Variants in RBBP4 observed in about 807,000 individuals in gnomAD.
The protein encoded by RBBP4 is histone-binding protein RBBP4.
A neutral mutation model predicts 57.2 loss-of-function variants in RBBP4; 3 were observed. The observed-to-expected ratio is 0.05, with a 90% CI of 0.02 to 0.14. The LOEUF (loss-of-function observed/expected upper bound fraction) is 0.14, where lower values mean the gene tolerates loss of function less well. Among genes scored for constraint, RBBP4 ranks in the 10% least tolerant of loss-of-function variants. RBBP4 has a pLI of 1.00. For missense variants in RBBP4, 107 were observed against 520.6 expected, an observed-to-expected ratio of 0.21 and a Z score of 7.73; for synonymous variants, 151 against 171.5, an observed-to-expected ratio of 0.88 and a Z score of 0.93.
chr1:32,651,583 GC>G (rs1389496621), intron 1 of RBBP4: 3 of 1,011,658 alleles, frequency 3.0e-6, no homozygotes, highest in African/African-American at 1.7e-5. Context: ...CGGTTTCTCG[GC>G]CTCTGTCCCG....
At chr1:32,679,157 C>T (rs1363844279) in intron 11 of RBBP4, among the ~76,000 whole-genome samples, 4 of 152,096 alleles carry the variant, frequency 2.6e-5, no homozygotes, top group East Asian at 3.9e-4. Flanking sequence ...ATTAGCCAGG[C>T]GTAGTGGCAT....
At chr1:32,652,111 T>C in intron 2 of RBBP4, 50 bp downstream of exon 2, 2 of 1,551,506 alleles carry the variant, frequency 1.3e-6, no homozygotes, top group Non-Finnish European at 1.8e-6. Flanking sequence ...AGTGTAGATT[T>C]CTCATATTGA....
In RBBP4 at chr1:32,679,648, C is replaced by T. The variant is rs776275865; in HGVS notation, c.1221C>T (p.Asn407=). ...TTCTTGTTTTTGGGCAGGCAGAGAA[C>T]ATTTATAATGATGAAGACCCTGAAG... ...NIMQVWQMAE[N]IYNDEDPEGS... is the part of the protein sequence containing the mutation. The change falls in exon 12 of 12, where the codon AAC becomes AAT. Residue 407 remains asparagine (N), a synonymous_variant. Transcript: ENST00000373493. The T allele has an allele frequency of 4.1e-5, 65 of 1,583,472 alleles. 2 individuals are homozygous for T. The South Asian group carries it at 7.6e-4, about 18-fold the overall frequency.
chr1:32,654,617 A>T (rs1648052506), intron 2 of RBBP4, among the ~76,000 whole-genome samples: 1 of 152,206 alleles, frequency 6.6e-6, no homozygotes. Context: ...CCAAGGCTGA[A>T]ATCTGTACTG....
At chr1:32,660,407 AT>A (rs1648349247) in intron 3 of RBBP4, among the ~76,000 whole-genome samples, 1 of 43,776 alleles carries the variant, frequency 2.3e-5, no homozygotes, top group Non-Finnish European at 4.9e-5. Flanking sequence ...CCATACCTGG[AT>A]TTTTATTTTA....
At chr1:32,660,009 T>C (rs1047438594) in intron 3 of RBBP4, among the ~76,000 whole-genome samples, 2 of 152,230 alleles carry the variant, frequency 1.3e-5, no homozygotes, top group Non-Finnish European at 2.9e-5. Context: ...CGTATGTATT[T>C]ATGTCTGTTT....
chr1:32,669,716 C>G lies in RBBP4; in HGVS notation c.966+153C>G, dbSNP rs772061137. On this transcript the variant is annotated intron_variant, in intron 8 of 11. Transcript: ENST00000373493. The surrounding 1 kb of genome is among the most constrained non-coding windows in gnomAD (Gnocchi z 4.9). ...CCATCCTGGCTAACACGGTGAAACC[C>G]TGTCTCTACTAAAAATATAAAAAAT... 1.3e-5 allele frequency among the ~76,000 whole-genome samples: 2 copies of G among 152,006 alleles called. No homozygotes were observed. The highest frequency in any genetic ancestry group is 4.1e-4 in the South Asian group (2 of 4,822).
Position 32,685,072 on chromosome 1 carries a change from G to A in RBBP4, c.*5367G>A, listed in dbSNP as rs1174429411. The A allele has an allele frequency of 1.8e-4, 27 of 152,148 alleles. No individual in the cohort carries two copies. Among genetic ancestry groups the A allele is most frequent in the Admixed American group, 1.8e-3 (27 of 15,264 alleles). 9.4% of individuals were successfully genotyped at this position (152,148 alleles called of 1,614,324 possible). A position where few individuals can be genotyped will look rare whatever the true frequency, so the allele number is the denominator to read the frequency against. On this transcript the variant is annotated 3_prime_UTR_variant, in exon 12 of 12. Coordinates refer to ENST00000373493, the MANE Select transcript of RBBP4 (RefSeq NM_005610.3). ...TCGCTATGTTGCCCAGGCTGGTCTTGTTCCTGGGCTCAAGCAGTCCTCCCG... is the reference window on the plus strand; with the variant it reads ...TCGCTATGTTGCCCAGGCTGGTCTTATTCCTGGGCTCAAGCAGTCCTCCCG...
Position 32,682,118 on chromosome 1 carries a change from T to C in RBBP4, c.*2413T>C. On this transcript the variant is annotated 3_prime_UTR_variant, in exon 12 of 12. Coordinates refer to ENST00000373493, the MANE Select transcript of RBBP4 (RefSeq NM_005610.3). ...GCCTGAAATTCTGTAGTTTCATTTC[T>C]TTGGATTAGTCGTTGTCTTTTCCAG... 1 of 474,278 alleles carries C rather than the reference T, an allele frequency of 2.1e-6. No homozygotes were observed. Among genetic ancestry groups the C allele is most frequent in the Non-Finnish European group, 3.8e-6 (1 of 263,316 alleles). 29.4% of individuals were successfully genotyped at this position (474,278 alleles called of 1,614,324 possible). A position where few individuals can be genotyped will look rare whatever the true frequency, so the allele number is the denominator to read the frequency against.
intron 3 of RBBP4, among the ~76,000 whole-genome samples, chr1:32,664,035 T>C (rs1453933097): frequency 6.6e-6 from 1 of 151,178 alleles, no homozygotes; most frequent in African/African-American, 2.4e-5. Context: ...CATGCCATTC[T>C]CCTGCCTCAG....
intron 3 of RBBP4, among the ~76,000 whole-genome samples, chr1:32,667,939 T>A (rs571356933): frequency 6.6e-6 from 1 of 152,312 alleles, no homozygotes; most frequent in African/African-American, 2.4e-5. Context: ...ACATGTTCAA[T>A]ACATATGCAA....
At chr1:32,677,641 T>G (rs1649162642) in intron 11 of RBBP4, among the ~76,000 whole-genome samples, 1 of 152,134 alleles carries the variant, frequency 6.6e-6, no homozygotes, top group Admixed American at 6.6e-5. Flanking sequence ...ACCAGGGAAT[T>G]GCAACTGGCT....
At chr1:32,656,849 T>G (rs1478643069) in intron 2 of RBBP4, among the ~76,000 whole-genome samples, 1 of 152,244 alleles carries the variant, frequency 6.6e-6, no homozygotes, top group Non-Finnish European at 1.5e-5. Context: ...TAATGAAAGT[T>G]TTAGTAAGCA....
chr1:32,671,055 A>T (rs1648854948), intron 8 of RBBP4, among the ~76,000 whole-genome samples: 1 of 152,186 alleles, frequency 6.6e-6, no homozygotes, highest in Non-Finnish European at 1.5e-5. Flanking sequence ...AAGGCTAGGT[A>T]GCACTTTTAC....
intron 11 of RBBP4, among the ~76,000 whole-genome samples, chr1:32,678,376 G>A (rs893499388): frequency 6.6e-6 from 1 of 151,712 alleles, no homozygotes; most frequent in African/African-American, 2.4e-5. Context: ...ACAGGCGCCT[G>A]TCACCACGCC....
chr1:32,678,594 TTTTTTTTTTTTTTG>T (rs1649227651), intron 11 of RBBP4, among the ~76,000 whole-genome samples: 1 of 104,380 alleles, frequency 9.6e-6, no homozygotes, highest in African/African-American at 5.2e-5. Flanking sequence ...TTTTTTTTTT[TTTTTTTTTTTTTTG>T]GCACACAGTC....
chr1:32,651,666 C>A, intron 1 of RBBP4: 1 of 727,530 alleles, frequency 1.4e-6, no homozygotes, highest in Non-Finnish European at 2.1e-6. Context: ...TGAGTTTCGG[C>A]GCGCACGAGC....
Position 32,669,893 on chromosome 1 carries a change from A to AAAAAAG in RBBP4, c.966+335_966+336insGAAAAA, listed in dbSNP as rs1648799220. 6.7e-6 allele frequency among the ~76,000 whole-genome samples: 1 copy of AAAAAAG among 149,116 alleles called. No individual in the cohort carries two copies. The highest frequency in any genetic ancestry group is 1.5e-5 in the Non-Finnish European group (1 of 67,998). Reference sequence around the variant, plus strand: ...GCGACAGAACGAGAGTCCGTCTCAAAAAAAAAGAAAAAAGAAAAACCTGGA... The same window carrying AAAAAAG: ...GCGACAGAACGAGAGTCCGTCTCAAAAAAAAGAAAAAAGAAAAAAGAAAAACCTGGA... On this transcript the variant is annotated intron_variant, in intron 8 of 11. Coordinates refer to ENST00000373493, the MANE Select transcript of RBBP4 (RefSeq NM_005610.3). This position sits in a 1 kb window ranked among gnomAD's most constrained non-coding sequence, Gnocchi z 4.9.
chr1:32,671,633 G>A (rs1250780928), intron 8 of RBBP4, among the ~76,000 whole-genome samples: 1 of 151,608 alleles, frequency 6.6e-6, no homozygotes, highest in Non-Finnish European at 1.5e-5. Context: ...TTGAGGCAGC[G>A]AGATCCCTTG....
Sources: gnomAD v4.1 joint callset for allele counts (sites outside exome capture counted in the v4.1 genomes callset) on GRCh38, gnomAD v4.1.1 for gene constraint, Gnocchi (gnomAD v3.1) non-coding constraint, MANE v1.5 for transcripts, NCBI Gene and HGNC (gene_info 2026-07-23, HGNC 2026-07-21) for gene names.